TESPA1: variants seen among roughly 807,000 people sequenced by gnomAD.
The protein encoded by TESPA1 is protein TESPA1.
In TESPA1, 33 loss-of-function variants were observed where a neutral mutation model predicts 57.9. The observed-to-expected ratio is 0.57, with a 90% CI of 0.43 to 0.76. The LOEUF is 0.76. Ranked by LOEUF, TESPA1 falls within the 30% of genes least tolerant of loss-of-function variation. The pLI, the probability that TESPA1 is intolerant of heterozygous loss-of-function variation, is 0.00. For missense variants in TESPA1, 618 were observed against 632.9 expected (o/e 0.98, Z 0.25); for synonymous variants, 227 against 228.9 (o/e 0.99, Z 0.07).
At chr12:54,954,656 C>G (rs963889961) in intron 10 of TESPA1, among the ~76,000 whole-genome samples, 1 of 152,188 alleles carries the variant, frequency 6.6e-6, no homozygotes, top group African/African-American at 2.4e-5. Flanking sequence ...GTAGAAAGAG[C>G]CTCTAGTAAT....
chr12:54,966,700 A>G (rs1313235495), intron 5 of TESPA1, among the ~76,000 whole-genome samples: 9 of 150,132 alleles, frequency 6.0e-5, no homozygotes. Flanking sequence ...CCTAAAAAGG[A>G]TAGAGTCATT....
intron 1 of TESPA1, among the ~76,000 whole-genome samples, chr12:54,981,152 G>A (rs1414019134): frequency 6.6e-6 from 1 of 151,974 alleles, no homozygotes; most frequent in Non-Finnish European, 1.5e-5. Context: ...GTTGTAATCA[G>A]GTAACACATA....
intron 7 of TESPA1, among the ~76,000 whole-genome samples, chr12:54,965,079 C>T (rs1592363042): frequency 6.6e-6 from 1 of 152,188 alleles, no homozygotes; most frequent in African/African-American, 2.4e-5. Context: ...GTTTTCCTGA[C>T]TTTTCATCTT....
chr12:54,968,809 C>T (rs1410320484), intron 3 of TESPA1, among the ~76,000 whole-genome samples: 4 of 151,932 alleles, frequency 2.6e-5, no homozygotes, highest in Non-Finnish European at 5.9e-5. Flanking sequence ...GGGTCAGTAA[C>T]GTGAGTTAGC....
At chr12:54,961,798 A>T (rs552100943) in intron 9 of TESPA1, among the ~76,000 whole-genome samples, 1 of 152,138 alleles carries the variant, frequency 6.6e-6, no homozygotes, top group African/African-American at 2.4e-5. Context: ...CCTCTCCAGT[A>T]GTGTATGCAG....
chr12:54,953,646 G>C (rs1446359056), intron 10 of TESPA1, among the ~76,000 whole-genome samples: 1 of 151,022 alleles, frequency 6.6e-6, no homozygotes, highest in Non-Finnish European at 1.5e-5. Context: ...AGCCTCCCGA[G>C]TAGCTGGGAC....
intron 1 of TESPA1, 50 bp from the exon 2 acceptor site, chr12:54,974,657 T>G (rs4759131): frequency 7.6e-7 from 1 of 1,315,464 alleles, no homozygotes; most frequent in Non-Finnish European, 9.9e-7. Context: ...TCAGAAACCA[T>G]CATGATGCTC....
In TESPA1 at chr12:54,983,293, G is replaced by T. The variant is rs184457295; in HGVS notation, c.-46+1292C>A. 5.8e-4 allele frequency among the ~76,000 whole-genome samples: 89 copies of T among 152,232 alleles called. No homozygotes were observed. The East Asian group carries it at 7.0e-3, about 12-fold the overall frequency. On this transcript the variant is annotated intron_variant, in intron 1 of 10. Transcript: ENST00000449076. ...TTTCTAAACACCCTGGGGTGCATGC[G>T]AATAACTCAGATGTTAAATTGCTTT...
chr12:54,969,046 T>TATATATATATATATATATATAC (rs71070858), intron 3 of TESPA1, among the ~76,000 whole-genome samples: 1,362 of 123,822 alleles, frequency 0.011, 85 homozygotes, highest in East Asian at 0.047. Flanking sequence ...TATATATATA[T>TATATATATATATATATATATAC]GTGTGTGTGT....
intron 10 of TESPA1, among the ~76,000 whole-genome samples, chr12:54,950,803 T>G (rs2136000509): frequency 6.6e-6 from 1 of 152,294 alleles, no homozygotes; most frequent in African/African-American, 2.4e-5. Context: ...ATAGTAGAAT[T>G]CTCAAATTTT....
Position 54,962,507 on chromosome 12 carries a change from C to A in TESPA1, c.1391G>T (p.Trp464Leu), listed in dbSNP as rs747893818. ...SLDLSITQQK[W>L]KQSVDRPELR... ...TTCTGGTCTGTCTACACTCTGCTTC[C>A]ATTTCTGCTGGGTGATGGACAGGTC... The change falls in exon 9 of 11, where the codon TGG becomes TTG. Residue 464 changes from tryptophan to leucine, a missense_variant. Trp to Leu is a moderately conservative substitution (Grantham distance 61, BLOSUM62 -2). This residue lies in a region of TESPA1 where 409 missense variants were observed against 420.1 expected (regional missense o/e 0.97). Coordinates refer to ENST00000449076, the MANE Select transcript of TESPA1 (RefSeq NM_001136030.3). 1.2e-6 allele frequency: 2 copies of A among 1,613,530 alleles called. No homozygotes were observed. The highest frequency in any genetic ancestry group is 2.2e-5 in the South Asian group (2 of 91,060).
chr12:54,950,371 G>C lies in TESPA1; in HGVS notation c.*21C>G. 2.2e-6 allele frequency: 1 copy of C among 456,418 alleles called. No homozygotes were observed. Among genetic ancestry groups the C allele is most frequent in the Non-Finnish European group, 4.4e-6 (1 of 226,876 alleles). The allele number at this position is 456,418 out of a possible 1,614,324, so 28.3% of individuals were successfully genotyped here. A position where few individuals can be genotyped will look rare whatever the true frequency, so the allele number is the denominator to read the frequency against. On this transcript the variant is annotated 3_prime_UTR_variant, in exon 11 of 11. Coordinates refer to ENST00000449076, the MANE Select transcript of TESPA1 (RefSeq NM_001136030.3). The stretch of plus-strand genomic sequence containing the variant: ...AGCCAATTCTGTCAGACCACATGCT[G>C]TTGTGGTGGTGGAGAAAGCCTGCAA...
Position 54,963,850 on chromosome 12 carries a change from C to A in TESPA1, c.547G>T (p.Ala183Ser), listed in dbSNP as rs757590911. ...TGAGAGGGGGTGGTGAAAAATCGGG[C>A]GGGTATCCGAGAAGTGTCTTTGTGA... The part of the protein sequence containing the change: ...EDHKDTSRIP[A>S]RFFTTPSQAK... Residue 183 changes from alanine (A) to serine (S), a missense_variant, in exon 8 of 11, where the codon GCC becomes TCC. By Grantham distance (99) the Ala-to-Ser change is moderately conservative. Around this residue, in one of 3 missense-constraint regions of TESPA1, gnomAD observed 409 missense variants for 420.1 expected, o/e 0.97. Transcript: ENST00000449076. The A allele has an allele frequency of 4.3e-6, 7 of 1,613,936 alleles. No homozygotes were observed. In the East Asian group the frequency reaches 1.3e-4, roughly 31 times the overall value.
chr12:54,971,363 C>A (rs750509665), intron 3 of TESPA1, among the ~76,000 whole-genome samples: 1 of 152,218 alleles, frequency 6.6e-6, no homozygotes, highest in Non-Finnish European at 1.5e-5. Context: ...TTCCCTCTAT[C>A]TTCTTCATTA....
rs537728025 is a variant in TESPA1 at position 54,973,458 on chromosome 12, T to C, written c.206+19A>G. The C allele has an allele frequency of 6.2e-6, 10 of 1,613,984 alleles. No individual in the cohort carries two copies. The highest frequency in any genetic ancestry group is 1.3e-5 in the African/African-American group (1 of 75,040). ...CAACCATCAGCCACATACCACCCCA[T>C]TGCCTGTCCAGCACTTACCCGCAAT... On this transcript the variant is annotated intron_variant, in intron 3 of 10. Coordinates refer to ENST00000449076, the MANE Select transcript of TESPA1 (RefSeq NM_001136030.3).
At position 54,974,396 on chromosome 12, in the gene TESPA1, T is replaced by C. The variant is rs1347328149; in HGVS notation, c.163+4A>G. On this transcript the variant is annotated splice_donor_region_variant and intron_variant, in intron 2 of 10. Coordinates refer to ENST00000449076, the MANE Select transcript of TESPA1 (RefSeq NM_001136030.3). ...TAGACGCCTGTCTGATGTTCGTCTC[T>C]TACCTTCTTGGAAAACGTCATCCAG... 6 of 1,599,256 alleles carry C rather than the reference T, an allele frequency of 3.8e-6. No homozygotes were observed. The South Asian group carries it at 6.8e-5, about 18-fold the overall frequency.
chr12:54,955,517 T>G (rs536221778), intron 10 of TESPA1, among the ~76,000 whole-genome samples: 1 of 152,218 alleles, frequency 6.6e-6, no homozygotes. Flanking sequence ...CCACTCCAAT[T>G]ACCAGGTAAG....
chr12:54,957,902 C>A (rs1047058077), intron 10 of TESPA1, among the ~76,000 whole-genome samples: 1 of 152,082 alleles, frequency 6.6e-6, no homozygotes, highest in Non-Finnish European at 1.5e-5. Flanking sequence ...AAGGCACAAC[C>A]TAATTTCAGA....
intron 10 of TESPA1, among the ~76,000 whole-genome samples, chr12:54,958,968 C>A (rs1054429055): frequency 1.3e-5 from 2 of 152,196 alleles, no homozygotes; most frequent in African/African-American, 4.8e-5. Context: ...GTTTGATAAT[C>A]CTAACATCCC....
Sources: gnomAD v4.1 joint callset for allele counts (sites outside exome capture counted in the v4.1 genomes callset) on GRCh38, gnomAD v4.1.1 for gene constraint, gnomAD v4.1.1 regional missense constraint, MANE v1.5 for transcripts, NCBI Gene and HGNC (gene_info 2026-07-23, HGNC 2026-07-21) for gene names.